Variants in STX1B observed in about 807,000 individuals in gnomAD.
The protein encoded by STX1B is syntaxin 1B, also known as syntaxin-1B.
STX1B carries 7 observed loss-of-function variants against 39.4 expected under a neutral mutation model. That is an observed-to-expected ratio of 0.18 (90% confidence interval 0.10 to 0.33). The LOEUF (loss-of-function observed/expected upper bound fraction) is 0.33. STX1B is among the 10% of genes least tolerant of loss of function. The pLI is 1.00. For missense variants in STX1B, 198 were observed against 383.2 expected, an observed-to-expected ratio of 0.52 and a Z score of 4.04; for synonymous variants, 136 against 144.1, an observed-to-expected ratio of 0.94 and a Z score of 0.40.
chr16:31,007,054 T>C (rs111241232), intron 1 of STX1B, among the ~76,000 whole-genome samples: 201 of 152,220 alleles, frequency 1.3e-3, no homozygotes, highest in African/African-American at 4.5e-3. Flanking sequence ...AAGGCTGCAG[T>C]GAGCTGTGAT....
At chr16:31,000,284 G>T (rs900252048) in intron 4 of STX1B, among the ~76,000 whole-genome samples, 5 of 151,228 alleles carry the variant, frequency 3.3e-5, no homozygotes, top group African/African-American at 4.9e-5. Context: ...GGGATTATAG[G>T]CATGAGCTAC....
chr16:30,989,375 T>G lies in STX1B; in HGVS notation c.*3446A>C, dbSNP rs2056534897. ...GGAAGGGGGGGGCAGGATTTTCCTGTGTTTTATCCATTTGCAAGTTGGTCA... is the reference window on the plus strand; with the variant it reads ...GGAAGGGGGGGGCAGGATTTTCCTGGGTTTTATCCATTTGCAAGTTGGTCA... On this transcript the variant is annotated 3_prime_UTR_variant, in exon 10 of 10. Transcript: ENST00000215095. 6.6e-6 allele frequency: 1 copy of G among 150,704 alleles called. No individual in the cohort carries two copies. Among genetic ancestry groups the G allele is most frequent in the East Asian group, 2.0e-4 (1 of 5,008 alleles). 9.3% of individuals were successfully genotyped at this position (150,704 alleles called of 1,614,324 possible).
Position 30,991,897 on chromosome 16 carries a change from A to G in STX1B, c.*924T>C, listed in dbSNP as rs1252591372. On this transcript the variant is annotated 3_prime_UTR_variant, in exon 10 of 10. Transcript: ENST00000215095. ...AAAACAAAAAACAAAAAACAAAAAA[A>G]AATTAAAAAGCACACCATGTAGAGA... The G allele has an allele frequency of 6.6e-6, 1 of 152,178 alleles. No individual in the cohort carries two copies. The highest frequency in any genetic ancestry group is 1.5e-5 in the Non-Finnish European group (1 of 68,114). The allele number at this position is 152,178 out of a possible 1,614,324, so 9.4% of individuals were successfully genotyped here.
chr16:30,996,944 C>T lies in STX1B; in HGVS notation c.463+7G>A. The T allele has an allele frequency of 1.2e-6, 2 of 1,610,366 alleles. No individual in the cohort carries two copies. The highest frequency in any genetic ancestry group is 1.7e-6 in the Non-Finnish European group (2 of 1,178,030). ...GTTCGGGGTCCTGGGGTGGGGGGCA[C>T]ACGCACTGATCTCCAGTTGCCGCTG... On this transcript the variant is annotated splice_region_variant and intron_variant, in intron 6 of 9. Transcript: ENST00000215095.
Position 31,001,030 on chromosome 16 carries a change from T to A in STX1B, c.206-28A>T, listed in dbSNP as rs1341077647. 1.9e-6 allele frequency: 3 copies of A among 1,614,014 alleles called. No homozygotes were observed. The highest frequency in any genetic ancestry group is 2.5e-6 in the Non-Finnish European group (3 of 1,179,986). On this transcript the variant is annotated intron_variant, in intron 3 of 9. Transcript: ENST00000215095. This position sits in a 1 kb window ranked among gnomAD's most constrained non-coding sequence, Gnocchi z 5.5. ...GAGGGGAGGGCGAGGGCAAGTGAGA[T>A]GTCTGGGTGGGAACCCCAGGCCCCT... is the stretch of plus-strand genomic sequence containing the variant.
In STX1B at chr16:31,001,663, C is replaced by T; in HGVS notation, c.31-60G>A. 7.4e-7 allele frequency: 1 copy of T among 1,351,274 alleles called. No individual in the cohort carries two copies. The highest frequency in any genetic ancestry group is 1.0e-6 in the Non-Finnish European group (1 of 956,860). 83.7% of individuals were successfully genotyped at this position (1,351,274 alleles called of 1,614,324 possible). A position where few individuals can be genotyped will look rare whatever the true frequency, so the allele number is the denominator to read the frequency against. ...CCTACCTGGGTCCCCAAGGCTGGCT[C>T]TCCAGCTCTCCCACCCTCTCCCTGC... On this transcript the variant is annotated intron_variant, in intron 1 of 9. Coordinates refer to ENST00000215095, the MANE Select transcript of STX1B (RefSeq NM_052874.5). The surrounding 1 kb of genome is among the most constrained non-coding windows in gnomAD (Gnocchi z 5.5).
chr16:31,007,175 C>T (rs528939687), intron 1 of STX1B, among the ~76,000 whole-genome samples: 29 of 152,244 alleles, frequency 1.9e-4, no homozygotes, highest in Middle Eastern at 3.4e-3. Flanking sequence ...GGATCCATCA[C>T]CCAGGGTTCG....
At position 31,001,416 on chromosome 16, in the gene STX1B, C is replaced by G. The variant is rs1168472752; in HGVS notation, c.105+113G>C. 1.3e-6 allele frequency: 1 copy of G among 769,078 alleles called. No homozygotes were observed. The highest frequency in any genetic ancestry group is 2.1e-5 in the African/African-American group (1 of 47,122). 47.6% of individuals were successfully genotyped at this position (769,078 alleles called of 1,614,324 possible). A position where few individuals can be genotyped will look rare whatever the true frequency, so the allele number is the denominator to read the frequency against. ...TGGGCGGTGGGACTAGGGGCTGGGG[C>G]TGGGTGCTGGGGCTGGGGCTGGGTG... On this transcript the variant is annotated intron_variant, in intron 2 of 9. Transcript: ENST00000215095. This position sits in a 1 kb window ranked among gnomAD's most constrained non-coding sequence, Gnocchi z 5.5.
rs1482839841 is a variant in STX1B at position 30,990,314 on chromosome 16, G to A, written c.*2507C>T. ...CCCGAGATGGGAGCAGGAGGGCCGT[G>A]GCCAGACTTGGGGCAGACTTCCTGT... On this transcript the variant is annotated 3_prime_UTR_variant, in exon 10 of 10. Coordinates refer to ENST00000215095, the MANE Select transcript of STX1B (RefSeq NM_052874.5). 1 of 152,250 alleles carries A rather than the reference G, an allele frequency of 6.6e-6. No individual in the cohort carries two copies. Among genetic ancestry groups the A allele is most frequent in the Non-Finnish European group, 1.5e-5 (1 of 68,118 alleles). 9.4% of individuals were successfully genotyped at this position (152,250 alleles called of 1,614,324 possible).
chr16:31,001,150 A>G lies in STX1B; in HGVS notation c.149T>C (p.Val50Ala). 6.2e-7 allele frequency: 1 copy of G among 1,614,048 alleles called. No homozygotes were observed. Among genetic ancestry groups the G allele is most frequent in the Non-Finnish European group, 8.5e-7 (1 of 1,180,020 alleles). Reference protein sequence around the residue: ...RGCIEKLSEDVEQVKKQHSAI... With the variant: ...RGCIEKLSEDAEQVKKQHSAI... ...GCTATGCTGTTTTTTCACCTGCTCC[A>G]CATCCTCCGACAGTTTCTCAATGCA... is the stretch of plus-strand genomic sequence containing the variant. Residue 50 changes from valine (V) to alanine (A), a missense_variant, in exon 3 of 10, where the codon GTG (valine) becomes GCG (alanine). By Grantham distance (64) the Val-to-Ala change is moderately conservative. Transcript: ENST00000215095. This position sits in a 1 kb window ranked among gnomAD's most constrained non-coding sequence, Gnocchi z 5.5.
rs566812947 is a variant in STX1B at position 31,001,624 on chromosome 16, G to A, written c.31-21C>T. ...TTCGCCTGGGGACAAGGAAGGCTGA[G>A]TCCATGAGCAGGCCCTACCTGGGTC... On this transcript the variant is annotated intron_variant, in intron 1 of 9. Transcript: ENST00000215095. This position sits in a 1 kb window ranked among gnomAD's most constrained non-coding sequence, Gnocchi z 5.5. 1.2e-6 allele frequency: 2 copies of A among 1,607,482 alleles called. No individual in the cohort carries two copies. The highest frequency in any genetic ancestry group is 2.7e-5 in the African/African-American group (2 of 74,980).
intron 1 of STX1B, among the ~76,000 whole-genome samples, chr16:31,005,715 T>C (rs2056651845): frequency 6.6e-6 from 1 of 152,154 alleles, no homozygotes; most frequent in Non-Finnish European, 1.5e-5. Context: ...TTGCCCAAGA[T>C]CACACAGCTG....
intron 1 of STX1B, among the ~76,000 whole-genome samples, chr16:31,007,311 T>G (rs2056659556): frequency 6.6e-6 from 1 of 152,046 alleles, no homozygotes; most frequent in South Asian, 2.1e-4. Context: ...CAGCCTCAGA[T>G]TCAGGCTCCT....
intron 7 of STX1B, 90 bp downstream of exon 7, chr16:30,996,593 A>G (rs546107793): frequency 1.7e-6 from 2 of 1,187,220 alleles, no homozygotes; most frequent in South Asian, 2.7e-5. Context: ...TCATTTTTCC[A>G]GGGTGGACTT....
intron 1 of STX1B, among the ~76,000 whole-genome samples, chr16:31,002,335 A>C (rs939101012): frequency 3.3e-5 from 5 of 152,090 alleles, no homozygotes; most frequent in Admixed American, 6.6e-5. Flanking sequence ...CAGGGCTCAG[A>C]GACACAAAGA....
At chr16:31,008,007 G>A (rs1454239653) in intron 1 of STX1B, among the ~76,000 whole-genome samples, 1 of 152,106 alleles carries the variant, frequency 6.6e-6, no homozygotes, top group Admixed American at 6.5e-5. Context: ...TGTGACAAAC[G>A]GACTTGAGAA....
intron 7 of STX1B, 126 bp downstream of exon 7, chr16:30,996,557 A>T: frequency 1.2e-6 from 1 of 842,302 alleles, no homozygotes; most frequent in Non-Finnish European, 1.9e-6. Flanking sequence ...GGAATTCCCC[A>T]GTTCCCGGCT....
chr16:31,001,387 C>G lies in STX1B; in HGVS notation c.105+142G>C, dbSNP rs1009120905. ...GGCTAGGGGCTGGGTGCCGGGGCTG[C>G]GGCTGGGCGGTGGGACTAGGGGCTG... On this transcript the variant is annotated intron_variant, in intron 2 of 9. Coordinates refer to ENST00000215095, the MANE Select transcript of STX1B (RefSeq NM_052874.5). The surrounding 1 kb of genome is among the most constrained non-coding windows in gnomAD (Gnocchi z 5.5). The G allele has an allele frequency of 4.1e-6, 3 of 728,822 alleles. No homozygotes were observed. The highest frequency in any genetic ancestry group is 6.5e-6 in the Non-Finnish European group (3 of 463,394). The allele number at this position is 728,822 out of a possible 1,614,324, so 45.1% of individuals were successfully genotyped here. A position where few individuals can be genotyped will look rare whatever the true frequency, so the allele number is the denominator to read the frequency against.
Position 30,997,535 on chromosome 16 carries a change from A to G in STX1B, c.321T>C (p.Arg107=). The G allele has an allele frequency of 6.2e-7, 1 of 1,610,486 alleles. No homozygotes were observed. Among genetic ancestry groups the G allele is most frequent in the Non-Finnish European group, 8.5e-7 (1 of 1,178,838 alleles). ...QSIEQEEGLN[R]SSADLRIRKT... ...TGCGGATGCGCAGGTCCGCGGAGGA[A>G]CGGTTCAGCCCCTCCTCCTGTTCAA... The change falls in exon 5 of 10, where the codon CGT becomes CGC. Residue 107 remains arginine, a synonymous_variant. Coordinates refer to ENST00000215095, the MANE Select transcript of STX1B (RefSeq NM_052874.5).
Sources: gnomAD v4.1 joint callset for allele counts (sites outside exome capture counted in the v4.1 genomes callset) on GRCh38, gnomAD v4.1.1 for gene constraint, Gnocchi (gnomAD v3.1) non-coding constraint, MANE v1.5 for transcripts, NCBI Gene and HGNC (gene_info 2026-07-23, HGNC 2026-07-21) for gene names.